The following NUDT9 variants were observed in gnomAD, a reference collection of about 807,000 sequenced individuals.
The protein encoded by NUDT9 is ADP-ribose pyrophosphatase.
A neutral mutation model predicts 41.0 loss-of-function variants in NUDT9; 31 were observed. The ratio of observed to expected loss-of-function variants is 0.76; its 90% CI spans 0.57 to 1.02. The LOEUF (loss-of-function observed/expected upper bound fraction) is 1.02, where lower values mean the gene tolerates loss of function less well. Ranked by LOEUF, NUDT9 falls within the 50% of genes least tolerant of loss-of-function variation. NUDT9 has a pLI of 0.00. For synonymous variants in NUDT9, 146 were observed against 147.6 expected (o/e 0.99, Z 0.08); for missense variants, 380 against 431.4 (o/e 0.88, Z 1.06).
intron 6 of NUDT9, among the ~76,000 whole-genome samples, chr4:87,453,847 TTC>T (rs1722865736): frequency 1.3e-5 from 2 of 149,918 alleles, no homozygotes; most frequent in South Asian, 4.2e-4. Flanking sequence ...CTTTCTTTTT[TTC>T]TTTCTTTCTT....
At position 87,441,923 on chromosome 4, in the gene NUDT9, C is replaced by T; in HGVS notation, c.530+8C>T. ...AGATCCCATTATAACCAGGTAAGAA[C>T]CAATAAAAAGCATATCAGTAGCAAA... On this transcript the variant is annotated splice_region_variant and intron_variant, in intron 4 of 7. Transcript: ENST00000302174. The T allele has an allele frequency of 1.3e-6, 2 of 1,584,476 alleles. No homozygotes were observed. Among genetic ancestry groups the T allele is most frequent in the Non-Finnish European group, 1.7e-6 (2 of 1,167,670 alleles).
intron 4 of NUDT9, among the ~76,000 whole-genome samples, chr4:87,447,071 G>C (rs1303769871): frequency 1.3e-5 from 2 of 152,164 alleles, no homozygotes; most frequent in African/African-American, 4.8e-5. Flanking sequence ...GAATCTTGTC[G>C]TATAAGCCTG....
At chr4:87,429,691 TCCC>T (rs558861390) in intron 1 of NUDT9, among the ~76,000 whole-genome samples, 1 of 145,164 alleles carries the variant, frequency 6.9e-6, no homozygotes, top group Non-Finnish European at 1.5e-5. Context: ...TCTCCCCGTT[TCCC>T]CCCCATCTTT....
Position 87,458,096 on chromosome 4 carries a change from A to G in NUDT9, c.*75A>G. ...AAGAAGGCAGTATCACAGAATTTAT[A>G]CTATAAAAAGGGCAGGGTAGGCCAC... On this transcript the variant is annotated 3_prime_UTR_variant, in exon 8 of 8. Coordinates refer to ENST00000302174, the MANE Select transcript of NUDT9 (RefSeq NM_024047.5). 1 of 1,387,906 alleles carries G rather than the reference A, an allele frequency of 7.2e-7. No homozygotes were observed. Among genetic ancestry groups the G allele is most frequent in the Non-Finnish European group, 9.4e-7 (1 of 1,060,002 alleles). The allele number at this position is 1,387,906 out of a possible 1,614,324, so 86.0% of individuals were successfully genotyped here. A position where few individuals can be genotyped will look rare whatever the true frequency, so the allele number is the denominator to read the frequency against.
Position 87,449,213 on chromosome 4 carries a change from C to G in NUDT9, c.602C>G (p.Ala201Gly). The G allele has an allele frequency of 3.7e-6, 6 of 1,609,884 alleles. No individual in the cohort carries two copies. The highest frequency in any genetic ancestry group is 5.1e-6 in the Non-Finnish European group (6 of 1,176,380). Residue 201 changes from alanine (A) to glycine (G), a missense_variant, in exon 5 of 8, where the codon GCA becomes GGA. Coordinates refer to ENST00000302174, the MANE Select transcript of NUDT9 (RefSeq NM_024047.5). ...VSGKHILQFV[A>G]IKRKDCGEWA... The stretch of plus-strand genomic sequence containing the variant: ...GGGAAGCATATCTTACAATTTGTTG[C>G]AATAAAAAGGAAAGACTGTGGAGAA...
Position 87,435,002 on chromosome 4 carries a change from G to GT in NUDT9, c.132dup (p.His45SerfsTer3). 6.2e-7 allele frequency: 1 copy of GT among 1,610,368 alleles called. No individual in the cohort carries two copies. Among genetic ancestry groups the GT allele is most frequent in the Admixed American group, 1.7e-5 (1 of 59,536 alleles). ...CCAGAAACTCGTTTTCATCTTCTTG[G>GT]TTTCATCTTAATACCAACGTCATGT... On this transcript the variant is annotated frameshift_variant, in exon 2 of 8. Transcript: ENST00000302174. LOFTEE classifies it high-confidence loss of function.
In NUDT9 at chr4:87,449,156, G is replaced by C; in HGVS notation, c.545G>C (p.Ser182Thr). The change falls in exon 5 of 8, where the codon AGC (serine) becomes ACC (threonine). Residue 182 changes from serine (S) to threonine (T), a missense_variant. By Grantham distance (58) the Ser-to-Thr change is moderately conservative. Coordinates refer to ENST00000302174, the MANE Select transcript of NUDT9 (RefSeq NM_024047.5). ...DPIITRWKRD[S>T]SGNKIMHPVS... ...ACTATTCACAGATGGAAAAGGGATA[G>C]CAGTGGAAATAAAATCATGCATCCT... 1 of 1,590,148 alleles carries C rather than the reference G, an allele frequency of 6.3e-7. No individual in the cohort carries two copies. The highest frequency in any genetic ancestry group is 8.6e-7 in the Non-Finnish European group (1 of 1,158,386).
Position 87,422,735 on chromosome 4 carries a change from T to A in NUDT9, c.-171T>A, listed in dbSNP as rs1721183572. ...TGGACTCTTATCGTGGGAGGGCTCT[T>A]GATCTGTGATTTATAGATAGGCACA... On this transcript the variant is annotated 5_prime_UTR_variant, in exon 1 of 8. The change creates a premature stop within an existing upstream ORF in the 5' untranslated region. Coordinates refer to ENST00000302174, the MANE Select transcript of NUDT9 (RefSeq NM_024047.5). 1.9e-6 allele frequency: 1 copy of A among 519,252 alleles called. No individual in the cohort carries two copies. The highest frequency in any genetic ancestry group is 3.4e-6 in the Non-Finnish European group (1 of 293,530). 32.2% of individuals were successfully genotyped at this position (519,252 alleles called of 1,614,324 possible).
At chr4:87,457,279 A>T (rs566476527) in intron 7 of NUDT9, among the ~76,000 whole-genome samples, 2 of 130,578 alleles carry the variant, frequency 1.5e-5, no homozygotes, top group East Asian at 2.1e-4. Flanking sequence ...CCCTGTTGCC[A>T]GGCTGGAGTG....
intron 3 of NUDT9, among the ~76,000 whole-genome samples, chr4:87,438,625 A>G (rs1245274722): frequency 6.6e-6 from 1 of 152,206 alleles, no homozygotes; most frequent in African/African-American, 2.4e-5. Context: ...TCTTTTTGTA[A>G]TTGTATCTTG....
chr4:87,435,317 A>C, intron 2 of NUDT9, 97 bp downstream of exon 2: 2 of 1,344,892 alleles, frequency 1.5e-6, no homozygotes, highest in Middle Eastern at 1.9e-4. Context: ...AAATAATTTC[A>C]ATCTATGCTT....
At position 87,441,931 on chromosome 4, in the gene NUDT9, A is replaced by G; in HGVS notation, c.530+16A>G. The G allele has an allele frequency of 6.4e-7, 1 of 1,574,080 alleles. No individual in the cohort carries two copies. The highest frequency in any genetic ancestry group is 8.6e-7 in the Non-Finnish European group (1 of 1,159,540). ...TTATAACCAGGTAAGAACCAATAAA[A>G]AGCATATCAGTAGCAAAGAGCTAAG... On this transcript the variant is annotated intron_variant, in intron 4 of 7. Coordinates refer to ENST00000302174, the MANE Select transcript of NUDT9 (RefSeq NM_024047.5).
chr4:87,423,200 C>G (rs1242726251), intron 1 of NUDT9, among the ~76,000 whole-genome samples, 188 bp downstream of exon 1: 1 of 152,182 alleles, frequency 6.6e-6, no homozygotes, highest in Non-Finnish European at 1.5e-5. Context: ...GGCAGGGACC[C>G]TTCTTGACTT....
At chr4:87,450,099 G>A (rs1195460022) in intron 5 of NUDT9, among the ~76,000 whole-genome samples, 4 of 152,098 alleles carry the variant, frequency 2.6e-5, no homozygotes, top group Non-Finnish European at 5.9e-5. Context: ...CTGGCCTCAA[G>A]CAATCTGCCT....
Position 87,448,055 on chromosome 4 carries a change from T to C in NUDT9, c.531-1087T>C, listed in dbSNP as rs78816338. ...TTTTTAAAAAAAAAAAAAAAAAGAT[T>C]GAGAAGTACTGCTTTTGACACCAGC... On this transcript the variant is annotated intron_variant, in intron 4 of 7. Coordinates refer to ENST00000302174, the MANE Select transcript of NUDT9 (RefSeq NM_024047.5). Among the ~76,000 whole-genome samples the C allele has an allele frequency of 4.8e-3, 730 of 151,584 alleles. 6 individuals carry two copies. In the East Asian group the frequency reaches 0.059, roughly 12 times the overall value.
intron 6 of NUDT9, among the ~76,000 whole-genome samples, chr4:87,452,332 C>T (rs565680430): frequency 6.6e-6 from 1 of 152,200 alleles, no homozygotes; most frequent in African/African-American, 2.4e-5. Context: ...CGTTGAGTAC[C>T]CATCCAACAG....
chr4:87,447,481 TTTTTTTTTTG>T (rs1245811580), intron 4 of NUDT9, among the ~76,000 whole-genome samples: 1 of 146,860 alleles, frequency 6.8e-6, no homozygotes, highest in Non-Finnish European at 1.5e-5. Context: ...TGGAAGTTTT[TTTTTTTTTTG>T]TTTTGTTTTG....
In NUDT9 at chr4:87,458,506, C is replaced by T. The variant is rs1012594463; in HGVS notation, c.*485C>T. The T allele has an allele frequency of 6.6e-6, 1 of 152,188 alleles. No homozygotes were observed. Among genetic ancestry groups the T allele is most frequent in the African/African-American group, 2.4e-5 (1 of 41,418 alleles). The allele number at this position is 152,188 out of a possible 1,614,324, so 9.4% of individuals were successfully genotyped here. On this transcript the variant is annotated 3_prime_UTR_variant, in exon 8 of 8. Transcript: ENST00000302174. Reference sequence around the variant, plus strand: ...CATCTGATTTTTCTTTAAATTATTTCCTTCACATTTTGCTTCACATGATCT... The same window carrying T: ...CATCTGATTTTTCTTTAAATTATTTTCTTCACATTTTGCTTCACATGATCT...
At chr4:87,455,694 C>T (rs530172519) in intron 7 of NUDT9, among the ~76,000 whole-genome samples, 2 of 146,030 alleles carry the variant, frequency 1.4e-5, no homozygotes, top group Admixed American at 7.0e-5. Context: ...TGGAGTCTTG[C>T]TCTGTCACCC....
Sources: gnomAD v4.1 joint callset for allele counts (sites outside exome capture counted in the v4.1 genomes callset) on GRCh38, gnomAD v4.1.1 for gene constraint, MANE v1.5 for transcripts, NCBI Gene and HGNC (gene_info 2026-07-23, HGNC 2026-07-21) for gene names.